The following LRRC9 variants were observed in gnomAD, a reference collection of about 807,000 sequenced individuals.
LRRC9 encodes the protein leucine rich repeat containing 9.
LRRC9 carries 122 observed loss-of-function variants against 63.2 expected under a neutral mutation model. The ratio of observed to expected loss-of-function variants is 1.93; its 90% CI spans 1.67 to 2.24. LRRC9 has a LOEUF of 2.24. Among genes scored for constraint, LRRC9 ranks in the 30% most tolerant of loss-of-function variants. The probability of loss-of-function intolerance (pLI) is 0.00; values close to 1 mark genes in which losing one functional copy is unlikely to be tolerated. For missense variants in LRRC9, 1,071 were observed against 627.7 expected (o/e 1.71, Z -7.55); for synonymous variants, 366 against 213.1 (o/e 1.72, Z -6.25).
intron 29 of LRRC9, among the ~76,000 whole-genome samples, chr14:60,048,326 C>T (rs1053336093): frequency 1.6e-4 from 25 of 151,940 alleles, no homozygotes; most frequent in African/African-American, 5.3e-4. Flanking sequence ...ATGAAAATCC[C>T]TTCAAAAAAT....
At chr14:60,016,463 C>A (rs978698839) in intron 23 of LRRC9, among the ~76,000 whole-genome samples, 197 bp from the exon 24 acceptor site, 3 of 152,122 alleles carry the variant, frequency 2.0e-5, no homozygotes, top group Non-Finnish European at 4.4e-5. Flanking sequence ...ACCTTGGCCT[C>A]CCAGTGTGCT....
Position 59,937,195 on chromosome 14 carries a change from TAAAAAAA to T in LRRC9, c.544-1178_544-1172del, listed in dbSNP as rs755193026. On this transcript the variant is annotated intron_variant, in intron 6 of 31. Transcript: ENST00000445360. ...TCACAGGGTTAGCAAATGTTTTCTG[TAAAAAAA>T]AAAAAAAAAAAAAAAAGCCAAATAG... Among the ~76,000 whole-genome samples the T allele has an allele frequency of 2.5e-4, 22 of 89,480 alleles. No individual in the cohort carries two copies. In the East Asian group the frequency reaches 4.6e-3, roughly 19 times the overall value. The allele number at this position is 89,480 out of a possible 152,430, so 58.7% of individuals were successfully genotyped here.
intron 12 of LRRC9, chr14:59,969,066 C>CA (rs1277356431): frequency 2.0e-5 from 3 of 151,842 alleles, no homozygotes; most frequent in Admixed American, 6.6e-5. Flanking sequence ...TAAGATTTGC[C>CA]AAAAAAAGAT....
At chr14:59,967,803 C>T (rs1253035151) in intron 12 of LRRC9, among the ~76,000 whole-genome samples, 2 of 152,192 alleles carry the variant, frequency 1.3e-5, no homozygotes, top group Non-Finnish European at 2.9e-5. Flanking sequence ...TGATAATATT[C>T]CTGCATTTGG....
intron 1 of LRRC9, among the ~76,000 whole-genome samples, chr14:59,926,437 G>A (rs1724346463): frequency 6.6e-6 from 1 of 152,048 alleles, no homozygotes; most frequent in South Asian, 2.1e-4. Flanking sequence ...ATAAAAATGA[G>A]CATATAAATG....
downstream of LRRC9, among the ~76,000 whole-genome samples, chr14:60,064,141 C>T (rs1248972154): frequency 6.6e-6 from 1 of 152,184 alleles, no homozygotes; most frequent in Non-Finnish European, 1.5e-5. Flanking sequence ...TGAGTGGACA[C>T]ATTTAAAAAT....
intron 23 of LRRC9, among the ~76,000 whole-genome samples, chr14:60,009,522 T>A (rs569357691): frequency 3.9e-5 from 6 of 152,268 alleles, no homozygotes; most frequent in Admixed American, 1.3e-4. Context: ...GACGTGGGGA[T>A]TATTACAATT....
intron 19 of LRRC9, among the ~76,000 whole-genome samples, chr14:60,000,107 C>T (rs1363888830): frequency 6.6e-6 from 1 of 152,044 alleles, no homozygotes; most frequent in Non-Finnish European, 1.5e-5. Flanking sequence ...GAATGCTACA[C>T]AGCCATAAAA....
chr14:59,943,211 G>T (rs1881978214), intron 7 of LRRC9, among the ~76,000 whole-genome samples: 1 of 150,426 alleles, frequency 6.6e-6, no homozygotes, highest in Non-Finnish European at 1.5e-5. Context: ...TGTTGCCCAT[G>T]CTTTTGAAGT....
intron 30 of LRRC9, among the ~76,000 whole-genome samples, chr14:60,055,441 G>A (rs949695535): frequency 4.6e-5 from 7 of 152,018 alleles, no homozygotes; most frequent in Non-Finnish European, 8.8e-5. Context: ...TTATATTCCC[G>A]AAGCAAGTCA....
chr14:59,969,345 G>A (rs1566826961), intron 12 of LRRC9: 1 of 152,186 alleles, frequency 6.6e-6, no homozygotes, highest in East Asian at 1.9e-4. Flanking sequence ...ACAGGTTAAA[G>A]TCTCCTGATC....
chr14:60,006,740 A>T (rs1889838843), intron 22 of LRRC9, 123 bp downstream of exon 22: 1 of 531,084 alleles, frequency 1.9e-6, no homozygotes, highest in Admixed American at 3.7e-5. Flanking sequence ...TAAGAATAAC[A>T]AGTTTATTAA....
chr14:59,965,602 G>A (rs1211530278), intron 10 of LRRC9, among the ~76,000 whole-genome samples: 1 of 152,056 alleles, frequency 6.6e-6, no homozygotes, highest in South Asian at 2.1e-4. Flanking sequence ...ATTAGATACT[G>A]GGGCCGGGCG....
chr14:60,022,204 C>G (rs182712431), intron 26 of LRRC9, among the ~76,000 whole-genome samples: 1 of 151,626 alleles, frequency 6.6e-6, no homozygotes, highest in East Asian at 1.9e-4. Flanking sequence ...TACAGATTTT[C>G]CACTTTTTAT....
intron 21 of LRRC9, among the ~76,000 whole-genome samples, chr14:60,005,263 G>A (rs1889721445): frequency 6.6e-6 from 1 of 152,018 alleles, no homozygotes; most frequent in South Asian, 2.1e-4. Context: ...CTCTTCTGTA[G>A]ATTTCAGTAG....
chr14:59,976,845 G>T (rs964272512), intron 13 of LRRC9, among the ~76,000 whole-genome samples: 6 of 152,138 alleles, frequency 3.9e-5, no homozygotes, highest in Non-Finnish European at 7.3e-5. Context: ...GACATATATT[G>T]AGTGCCTCCT....
In LRRC9 at chr14:59,936,721, T is replaced by TCCTCCTCCCTGCATAGGCTCAGC. The variant is rs1270520078; in HGVS notation, c.544-1666_544-1644dup. ...TTCCTTTTAGAGCAACTCTGCTTAG[T>TCCTCCTCCCTGCATAGGCTCAGC]CCTCCTCCCTGCATAGGCTCAGCCC... is the stretch of plus-strand genomic sequence containing the variant. On this transcript the variant is annotated intron_variant, in intron 6 of 31. Coordinates refer to ENST00000445360, the Ensembl canonical transcript of LRRC9. The surrounding 1 kb of genome is among the most constrained non-coding windows in gnomAD (Gnocchi z 4.2). 1.5e-4 allele frequency among the ~76,000 whole-genome samples: 23 copies of TCCTCCTCCCTGCATAGGCTCAGC among 152,314 alleles called. No individual in the cohort carries two copies. Among genetic ancestry groups the TCCTCCTCCCTGCATAGGCTCAGC allele is most frequent in the African/African-American group, 5.1e-4 (21 of 41,584 alleles).
At chr14:59,980,775 G>C (rs530290569) in intron 15 of LRRC9, among the ~76,000 whole-genome samples, 1 of 152,234 alleles carries the variant, frequency 6.6e-6, no homozygotes, top group Non-Finnish European at 1.5e-5. Flanking sequence ...TTTAGCAAAA[G>C]ATACAGAAAC....
intron 17 of LRRC9, among the ~76,000 whole-genome samples, chr14:59,995,562 G>A (rs1408741460): frequency 6.6e-6 from 1 of 152,108 alleles, no homozygotes; most frequent in Admixed American, 6.5e-5. Flanking sequence ...TGTAACTTGA[G>A]AGATTTTTAA....
Sources: gnomAD v4.1 joint callset for allele counts (sites outside exome capture counted in the v4.1 genomes callset) on GRCh38, gnomAD v4.1.1 for gene constraint, Gnocchi (gnomAD v3.1) non-coding constraint, MANE v1.5 for transcripts, NCBI Gene and HGNC (gene_info 2026-07-23, HGNC 2026-07-21) for gene names.